GALNTL6: variants seen among roughly 807,000 people sequenced by gnomAD.
The protein encoded by GALNTL6 is polypeptide N-acetylgalactosaminyltransferase like 6.
Under a neutral mutation model 73.7 loss-of-function variants are expected in GALNTL6, and 46 were observed. The observed-to-expected ratio is 0.62, with a 90% CI of 0.49 to 0.80. The LOEUF is 0.80. GALNTL6 is among the 30% of genes least tolerant of loss of function. The pLI is 0.00. For missense variants in GALNTL6, 604 were observed against 755.0 expected (o/e 0.80, Z 2.34); for synonymous variants, 259 against 263.7 (o/e 0.98, Z 0.17).
At chr4:172,848,479 T>C (rs1433543801) in intron 7 of GALNTL6, among the ~76,000 whole-genome samples, 1 of 152,200 alleles carries the variant, frequency 6.6e-6, no homozygotes, top group Non-Finnish European at 1.5e-5. Flanking sequence ...GAATAGACAC[T>C]TAAGAAAAAT....
chr4:172,798,988 GT>G (rs1462781052), intron 5 of GALNTL6, among the ~76,000 whole-genome samples: 1 of 152,212 alleles, frequency 6.6e-6, no homozygotes, highest in Non-Finnish European at 1.5e-5. Flanking sequence ...AAGATAAGAA[GT>G]GAGTTTTCTT....
At chr4:171,848,870 A>G (rs1328659440) in intron 2 of GALNTL6, among the ~76,000 whole-genome samples, 1 of 151,992 alleles carries the variant, frequency 6.6e-6, no homozygotes, top group East Asian at 1.9e-4. Context: ...TTGCTTTTTT[A>G]CCATTTGTGT....
rs17058865 is a variant in GALNTL6 at position 172,765,086 on chromosome 4, A to C, written c.554-44275A>C. ...GGTTCCCTTGAGTACTGATTTGTGG[A>C]AACAGCAACTGAGTTTTCAACTGTA... On this transcript the variant is annotated intron_variant, in intron 5 of 12. Transcript: ENST00000506823. Among the ~76,000 whole-genome samples the C allele has an allele frequency of 8.9e-3, 1,358 of 152,338 alleles. 24 individuals are homozygous for C. Among genetic ancestry groups the C allele is most frequent in the African/African-American group, 0.031 (1,282 of 41,586 alleles).
intron 2 of GALNTL6, among the ~76,000 whole-genome samples, chr4:171,913,623 C>T (rs1188005508): frequency 1.3e-5 from 2 of 151,984 alleles, no homozygotes; most frequent in Non-Finnish European, 2.9e-5. Flanking sequence ...GTAAAAACTG[C>T]ACATTACAGA....
intron 9 of GALNTL6, among the ~76,000 whole-genome samples, chr4:172,945,367 C>A (rs1749116756): frequency 6.6e-6 from 1 of 152,128 alleles, no homozygotes; most frequent in African/African-American, 2.4e-5. Flanking sequence ...GTTGATGATT[C>A]CACTAATATA....
chr4:172,038,771 A>G (rs1742007113), intron 2 of GALNTL6, among the ~76,000 whole-genome samples: 1 of 152,158 alleles, frequency 6.6e-6, no homozygotes, highest in South Asian at 2.1e-4. Context: ...TAAATGGATA[A>G]GTGAAAGAGA....
intron 5 of GALNTL6, among the ~76,000 whole-genome samples, chr4:172,628,458 A>T (rs1192853143): frequency 6.6e-6 from 1 of 152,052 alleles, no homozygotes; most frequent in African/African-American, 2.4e-5. Flanking sequence ...TAGGCTGGGC[A>T]CGATGACTCA....
chr4:172,309,662 A>C (rs2111140482), intron 3 of GALNTL6, among the ~76,000 whole-genome samples: 1 of 152,218 alleles, frequency 6.6e-6, no homozygotes, highest in South Asian at 2.1e-4. Flanking sequence ...AGAAATCATG[A>C]GTTATGAAGA....
chr4:172,463,616 C>T (rs184061224), intron 5 of GALNTL6, among the ~76,000 whole-genome samples: 2 of 152,162 alleles, frequency 1.3e-5, no homozygotes, highest in East Asian at 1.9e-4. Flanking sequence ...GAGTCCTTCA[C>T]CGAATTAGAG....
rs567617635 is a variant in GALNTL6 at position 172,052,594 on chromosome 4, T to C, written c.139-177062T>C. The C allele has an allele frequency of 2.0e-5, 22 of 1,089,438 alleles. No individual in the cohort carries two copies. In the African/African-American group the frequency reaches 2.5e-4, roughly 12 times the overall value. 67.5% of individuals were successfully genotyped at this position (1,089,438 alleles called of 1,614,324 possible). A position where few individuals can be genotyped will look rare whatever the true frequency, so the allele number is the denominator to read the frequency against. The stretch of plus-strand genomic sequence containing the variant: ...AGACAAGATAGGGTGGTTCGTCTCA[T>C]GGACGCTTGTTGTTGAATCAGGACT... On this transcript the variant is annotated intron_variant, in intron 2 of 12. Coordinates refer to ENST00000506823, the MANE Select transcript of GALNTL6 (RefSeq NM_001034845.3).
At chr4:173,006,223 C>T (rs111343293) in intron 10 of GALNTL6, among the ~76,000 whole-genome samples, 97 of 152,210 alleles carry the variant, frequency 6.4e-4, no homozygotes, top group African/African-American at 1.6e-3. Context: ...GTTCAGAGCT[C>T]CTGGACTCAA....
chr4:172,490,923 C>A (rs1404917656), intron 5 of GALNTL6, among the ~76,000 whole-genome samples: 1 of 152,048 alleles, frequency 6.6e-6, no homozygotes, highest in African/African-American at 2.4e-5. Flanking sequence ...ATTTATGAAG[C>A]ACATATCTCT....
chr4:171,990,717 A>G (rs1287188447), intron 2 of GALNTL6, among the ~76,000 whole-genome samples: 1 of 152,248 alleles, frequency 6.6e-6, no homozygotes, highest in African/African-American at 2.4e-5. Flanking sequence ...TGTAGTTCTT[A>G]GGAGTAAAAC....
intron 10 of GALNTL6, among the ~76,000 whole-genome samples, chr4:172,963,329 A>G (rs1452488278): frequency 6.6e-6 from 1 of 152,070 alleles, no homozygotes; most frequent in African/African-American, 2.4e-5. Flanking sequence ...ACCCACACAC[A>G]TCCACATGCA....
At chr4:172,461,229 A>G (rs1002276246) in intron 5 of GALNTL6, among the ~76,000 whole-genome samples, 24 of 144,944 alleles carry the variant, frequency 1.7e-4, no homozygotes, top group African/African-American at 2.5e-5. Flanking sequence ...GGGTGGGGCT[A>G]GGGGAGGGAT....
At chr4:172,806,998 C>T (rs560954422) in intron 5 of GALNTL6, among the ~76,000 whole-genome samples, 7 of 152,300 alleles carry the variant, frequency 4.6e-5, no homozygotes, top group South Asian at 2.1e-4. Flanking sequence ...TGACACATAA[C>T]GGCGTCCTTG....
intron 2 of GALNTL6, among the ~76,000 whole-genome samples, chr4:172,083,410 T>C (rs544820604): frequency 2.0e-5 from 3 of 152,184 alleles, no homozygotes; most frequent in Non-Finnish European, 4.4e-5. Context: ...AATGACATCC[T>C]AGGTCCTCAA....
At position 172,958,311 on chromosome 4, in the gene GALNTL6, G is replaced by A. The variant is rs188809557; in HGVS notation, c.1371+6053G>A. 7.2e-5 allele frequency among the ~76,000 whole-genome samples: 11 copies of A among 152,280 alleles called. No individual in the cohort carries two copies. In the East Asian group the frequency reaches 1.5e-3, roughly 21 times the overall value. On this transcript the variant is annotated intron_variant, in intron 10 of 12. Transcript: ENST00000506823. ...TTTGGATAAAAAGCCTACAGGGTGCGGTCCTGGTCCTTGTGTAAGAATTCC... is the reference window on the plus strand; with the variant it reads ...TTTGGATAAAAAGCCTACAGGGTGCAGTCCTGGTCCTTGTGTAAGAATTCC...
At chr4:172,019,336 G>A (rs1741322748) in intron 2 of GALNTL6, among the ~76,000 whole-genome samples, 2 of 151,932 alleles carry the variant, frequency 1.3e-5, no homozygotes, top group Non-Finnish European at 2.9e-5. Context: ...AAAGAATCAT[G>A]TTAGATTTTT....
Sources: allele counts gnomAD v4.1 joint callset (sites outside exome capture counted in the v4.1 genomes callset), GRCh38; gene constraint gnomAD v4.1.1; transcripts MANE v1.5; gene names NCBI Gene and HGNC (gene_info 2026-07-23, HGNC 2026-07-21).